SUGCT: variants seen among roughly 807,000 people sequenced by gnomAD.
SUGCT encodes the protein succinyl-CoA:glutarate CoA-transferase.
SUGCT carries 41 observed loss-of-function variants against 55.0 expected under a neutral mutation model. The observed-to-expected ratio is 0.74, with a 90% CI of 0.58 to 0.97. The LOEUF is 0.97. Among genes scored for constraint, SUGCT ranks in the 50% least tolerant of loss-of-function variants. SUGCT has a pLI of 0.00. For missense variants in SUGCT, 568 were observed against 547.8 expected (o/e 1.04, Z -0.37); for synonymous variants, 187 against 200.4 (o/e 0.93, Z 0.56).
chr7:40,248,619 G>A (rs1488308984), intron 7 of SUGCT, among the ~76,000 whole-genome samples: 1 of 151,606 alleles, frequency 6.6e-6, no homozygotes, highest in Non-Finnish European at 1.5e-5. Context: ...CCAGGCTGGA[G>A]TGCAGTGGTG....
the SUGCT span, among the ~76,000 whole-genome samples, chr7:40,914,757 T>C: frequency 6.6e-6 from 1 of 152,194 alleles, no homozygotes; most frequent in South Asian, 2.1e-4. Flanking sequence ...TGCAGCATTA[T>C]GGAATTTGGA....
At chr7:40,374,862 A>G (rs1784469725) in intron 9 of SUGCT, among the ~76,000 whole-genome samples, 1 of 152,134 alleles carries the variant, frequency 6.6e-6, no homozygotes, top group Non-Finnish European at 1.5e-5. Context: ...GCTTGAGCCT[A>G]GGTTTTCATG....
chr7:40,441,541 A>C (rs1368597146), intron 9 of SUGCT, among the ~76,000 whole-genome samples: 1 of 152,182 alleles, frequency 6.6e-6, no homozygotes, highest in Non-Finnish European at 1.5e-5. Flanking sequence ...ATTTTGTGTC[A>C]TTAAAAACAA....
chr7:40,370,216 C>T (rs895874442), intron 9 of SUGCT, among the ~76,000 whole-genome samples: 1 of 152,070 alleles, frequency 6.6e-6, no homozygotes, highest in Non-Finnish European at 1.5e-5. Context: ...TTCCTCTCAG[C>T]TTAATTAGTA....
At chr7:40,254,410 A>AT in intron 7 of SUGCT, among the ~76,000 whole-genome samples, 1 of 151,806 alleles carries the variant, frequency 6.6e-6, no homozygotes, top group African/African-American at 2.4e-5. Context: ...TTACTTATTT[A>AT]TTTTTTTGCA....
At chr7:40,194,799 C>A in intron 5 of SUGCT, 141 bp from the exon 6 acceptor site, 1 of 968,804 alleles carries the variant, frequency 1.0e-6, no homozygotes, top group Non-Finnish European at 1.5e-6. Flanking sequence ...ACTAGAACTT[C>A]TATGTTTATC....
chr7:41,002,575 G>A, the SUGCT span, among the ~76,000 whole-genome samples: 2 of 145,884 alleles, frequency 1.4e-5, no homozygotes, highest in Non-Finnish European at 2.9e-5. Flanking sequence ...ATGATTGAGT[G>A]TCCATTTTAG....
the SUGCT span, among the ~76,000 whole-genome samples, chr7:40,887,312 G>T: frequency 1.3e-5 from 2 of 152,230 alleles, no homozygotes; most frequent in Non-Finnish European, 2.9e-5. Context: ...TGGAGACTGT[G>T]TTGGGTAGGA....
intron 8 of SUGCT, among the ~76,000 whole-genome samples, chr7:40,285,001 T>G (rs970722968): frequency 3.9e-5 from 6 of 152,182 alleles, no homozygotes; most frequent in African/African-American, 1.4e-4. Context: ...CATTGCATAT[T>G]TTTATATGAT....
At chr7:40,308,525 A>G (rs572755066) in intron 8 of SUGCT, among the ~76,000 whole-genome samples, 1 of 152,290 alleles carries the variant, frequency 6.6e-6, no homozygotes, top group African/African-American at 2.4e-5. Context: ...TTAGAATAAT[A>G]TCTCAGATCC....
intron 12 of SUGCT, among the ~76,000 whole-genome samples, chr7:40,731,517 A>G (rs1356112140): frequency 2.0e-5 from 3 of 152,218 alleles, no homozygotes; most frequent in African/African-American, 4.8e-5. Context: ...AAGAAAGTCA[A>G]TTTCAGGAAT....
chr7:40,299,246 G>C (rs1794372936), intron 8 of SUGCT, among the ~76,000 whole-genome samples: 1 of 152,138 alleles, frequency 6.6e-6, no homozygotes, highest in East Asian at 1.9e-4. Context: ...AAAACAATAG[G>C]AAATGGTGAT....
chr7:40,313,239 C>A (rs922488845), intron 8 of SUGCT, among the ~76,000 whole-genome samples: 9 of 152,128 alleles, frequency 5.9e-5, no homozygotes, highest in African/African-American at 1.9e-4. Flanking sequence ...TATATAGCGT[C>A]CACTTGATGA....
At chr7:40,506,284 A>T (rs1156230803) in intron 12 of SUGCT, among the ~76,000 whole-genome samples, 2 of 152,036 alleles carry the variant, frequency 1.3e-5, no homozygotes, top group African/African-American at 4.8e-5. Context: ...CTTGTTAGAC[A>T]GTTTCTTCCT....
chr7:41,013,445 T>C, the SUGCT span, among the ~76,000 whole-genome samples: 1,108 of 152,348 alleles, frequency 7.3e-3, 5 homozygotes, highest in Non-Finnish European at 0.011. Flanking sequence ...TGTCTTGATG[T>C]TGGAGTCATT....
At chr7:40,833,406 T>C (rs953302583) in intron 13 of SUGCT, among the ~76,000 whole-genome samples, 2 of 152,236 alleles carry the variant, frequency 1.3e-5, no homozygotes, top group Admixed American at 1.3e-4. Context: ...AACTGACTCC[T>C]GTTAAATGAC....
chr7:40,896,320 A>C, the SUGCT span, among the ~76,000 whole-genome samples: 1 of 152,220 alleles, frequency 6.6e-6, no homozygotes, highest in Non-Finnish European at 1.5e-5. Flanking sequence ...AGTACAAAAC[A>C]TTGATGAAAG....
intron 12 of SUGCT, among the ~76,000 whole-genome samples, chr7:40,716,844 C>T (rs572118969): frequency 6.6e-6 from 1 of 151,898 alleles, no homozygotes; most frequent in South Asian, 2.1e-4. Context: ...AATGATGCAA[C>T]ATTATAAGTA....
At chr7:40,484,588 G>A (rs1204517253) in intron 11 of SUGCT, among the ~76,000 whole-genome samples, 1 of 152,116 alleles carries the variant, frequency 6.6e-6, no homozygotes, top group Non-Finnish European at 1.5e-5. Context: ...ATCTCCTCCA[G>A]CTAAGAGATT....
Sources: allele counts gnomAD v4.1 joint callset (sites outside exome capture counted in the v4.1 genomes callset), GRCh38; gene constraint gnomAD v4.1.1; transcripts MANE v1.5; gene names NCBI Gene and HGNC (gene_info 2026-07-23, HGNC 2026-07-21).